The following RINT1 variants were observed in gnomAD, a reference collection of about 807,000 sequenced individuals.
The protein encoded by RINT1 is RAD50 interactor 1.
Under a neutral mutation model 97.7 loss-of-function variants are expected in RINT1, and 75 were observed. The observed-to-expected ratio is 0.77, with a 90% CI of 0.64 to 0.93. The LOEUF is 0.93. Ranked by LOEUF, RINT1 falls within the 40% of genes least tolerant of loss-of-function variation. The pLI is 0.00. For missense variants in RINT1, 892 were observed against 925.2 expected (o/e 0.96, Z 0.47); for synonymous variants, 303 against 326.3 (o/e 0.93, Z 0.77).
intron 3 of RINT1, among the ~76,000 whole-genome samples, chr7:105,539,896 G>A (rs1790388677): frequency 6.6e-6 from 1 of 152,186 alleles, no homozygotes; most frequent in Non-Finnish European, 1.5e-5. Context: ...AAAGTGACCT[G>A]AAGGACGGAT....
Position 105,563,844 on chromosome 7 carries a change from A to C in RINT1, c.1783A>C (p.Met595Leu). 6.2e-7 allele frequency: 1 copy of C among 1,614,200 alleles called. No individual in the cohort carries two copies. Among genetic ancestry groups the C allele is most frequent in the Non-Finnish European group, 8.5e-7 (1 of 1,179,998 alleles). Reference sequence around the variant, plus strand: ...TATGGAGAGCTCTGTCTTTGATGACATGATTAACCTCTTAGAACGTTTAAA... The same window carrying C: ...TATGGAGAGCTCTGTCTTTGATGACCTGATTAACCTCTTAGAACGTTTAAA... Reference protein sequence around the residue: ...ASMESSVFDDMINLLERLKHD... With the variant: ...ASMESSVFDDLINLLERLKHD... The change falls in exon 12 of 15, where the codon ATG becomes CTG. Residue 595 changes from methionine to leucine, a missense_variant. Physicochemically the swap from Met to Leu is conservative, Grantham distance 15 (BLOSUM62 2). Transcript: ENST00000257700.
chr7:105,553,602 G>C (rs1186164957), intron 10 of RINT1, among the ~76,000 whole-genome samples: 2 of 149,654 alleles, frequency 1.3e-5, no homozygotes, highest in African/African-American at 4.9e-5. Flanking sequence ...CTCTACTAGA[G>C]ATGGGGTTTC....
chr7:105,547,422 A>T (rs1294090981), intron 6 of RINT1, 89 bp downstream of exon 6: 3 of 1,299,454 alleles, frequency 2.3e-6, no homozygotes, highest in Non-Finnish European at 3.3e-6. Context: ...CAAAGTGGCC[A>T]AGAAAGCCAA....
intron 2 of RINT1, among the ~76,000 whole-genome samples, chr7:105,534,133 C>A (rs1049984841): frequency 6.6e-6 from 1 of 151,754 alleles, no homozygotes; most frequent in Non-Finnish European, 1.5e-5. Context: ...TGCAGTGGCG[C>A]GATCTCGCCT....
intron 4 of RINT1, among the ~76,000 whole-genome samples, chr7:105,544,750 G>A (rs1461426615): frequency 1.3e-5 from 2 of 152,096 alleles, no homozygotes; most frequent in African/African-American, 4.8e-5. Flanking sequence ...AAACTCTTCA[G>A]ATATCTGAAT....
chr7:105,558,096 C>T (rs759465902), intron 11 of RINT1, among the ~76,000 whole-genome samples: 3 of 151,982 alleles, frequency 2.0e-5, no homozygotes, highest in Non-Finnish European at 2.9e-5. Context: ...GTGTGGATCA[C>T]CTGAGGTCAG....
chr7:105,543,279 A>G (rs1488855258), intron 4 of RINT1, among the ~76,000 whole-genome samples: 1 of 152,166 alleles, frequency 6.6e-6, no homozygotes, highest in Non-Finnish European at 1.5e-5. Context: ...GTTTGGTAAT[A>G]GTTATTCTTA....
At chr7:105,566,924 T>G in intron 14 of RINT1, 195 bp from the exon 15 acceptor site, 1 of 377,242 alleles carries the variant, frequency 2.7e-6, no homozygotes, top group Non-Finnish European at 4.7e-6. Context: ...TACCTTATAG[T>G]AATCTAAAGA....
chr7:105,564,477 C>T (rs1181533987), intron 12 of RINT1, among the ~76,000 whole-genome samples: 1 of 152,062 alleles, frequency 6.6e-6, no homozygotes, highest in Non-Finnish European at 1.5e-5. Flanking sequence ...AATAGCCTAA[C>T]CTGTCTCCCA....
At chr7:105,532,431 T>C (rs1325900251) in intron 1 of RINT1, 74 bp downstream of exon 1, 1 of 1,487,478 alleles carries the variant, frequency 6.7e-7, no homozygotes, top group African/African-American at 1.4e-5. Flanking sequence ...CCGGGGGAGA[T>C]AGTCCCGGTG....
At chr7:105,535,406 T>A (rs1322590590) in intron 2 of RINT1, among the ~76,000 whole-genome samples, 1 of 151,972 alleles carries the variant, frequency 6.6e-6, no homozygotes, top group Non-Finnish European at 1.5e-5. Context: ...ATTTTTGTAT[T>A]TTTAGTAGAG....
chr7:105,535,366 A>G (rs903139198), intron 2 of RINT1, among the ~76,000 whole-genome samples: 1 of 150,306 alleles, frequency 6.7e-6, no homozygotes, highest in Admixed American at 6.7e-5. Context: ...AGTAGCTGGG[A>G]CTATAAGCGT....
At chr7:105,533,470 AG>A (rs1790112255) in intron 2 of RINT1, among the ~76,000 whole-genome samples, 1 of 152,182 alleles carries the variant, frequency 6.6e-6, no homozygotes, top group Non-Finnish European at 1.5e-5. Context: ...TTGCAAATCA[AG>A]GGCTCTTTAG....
chr7:105,542,683 T>C, intron 4 of RINT1, 34 bp downstream of exon 4: 3 of 1,602,932 alleles, frequency 1.9e-6, no homozygotes, highest in Non-Finnish European at 2.6e-6. Context: ...ACAATTACTA[T>C]TTTCCTTTGA....
chr7:105,561,352 A>C (rs1791428007), intron 11 of RINT1, among the ~76,000 whole-genome samples: 1 of 151,952 alleles, frequency 6.6e-6, no homozygotes, highest in East Asian at 2.0e-4. Flanking sequence ...ACATGGTGAT[A>C]CCCCATCTCT....
chr7:105,533,647 T>A (rs1323923954), intron 2 of RINT1, among the ~76,000 whole-genome samples: 1 of 152,182 alleles, frequency 6.6e-6, no homozygotes, highest in Non-Finnish European at 1.5e-5. Context: ...AGATTTGCCC[T>A]TAACATTAGC....
At chr7:105,553,224 A>G (rs1327137919) in intron 10 of RINT1, among the ~76,000 whole-genome samples, 4 of 151,588 alleles carry the variant, frequency 2.6e-5, no homozygotes, top group Non-Finnish European at 5.9e-5. Context: ...CATCATGTCA[A>G]TTGTAAATTC....
Position 105,555,106 on chromosome 7 carries a change from G to T in RINT1, c.1550G>T (p.Arg517Met). Residue 517 changes from arginine to methionine, a missense_variant, in exon 11 of 15, where the codon AGG becomes ATG. By Grantham distance (91) the Arg-to-Met change is moderately conservative. Coordinates refer to ENST00000257700, the MANE Select transcript of RINT1 (RefSeq NM_021930.6). Reference protein sequence around the residue: ...ELQKDLVDDFRIRLTQVMKEE... With the variant: ...ELQKDLVDDFMIRLTQVMKEE... ...CAGAAGGACTTAGTAGATGATTTTA[G>T]GATACGATTAACACAAGTGATGAAA... 6.2e-7 allele frequency: 1 copy of T among 1,614,030 alleles called. No individual in the cohort carries two copies. Among genetic ancestry groups the T allele is most frequent in the Non-Finnish European group, 8.5e-7 (1 of 1,179,990 alleles).
intron 4 of RINT1, among the ~76,000 whole-genome samples, chr7:105,544,412 CATTTATTTT>C (rs1790577166): frequency 6.6e-6 from 1 of 151,198 alleles, no homozygotes. Flanking sequence ...TTTTTTTTAA[CATTTATTTT>C]ATTTATTTTA....
Sources: gnomAD v4.1 joint callset for allele counts (sites outside exome capture counted in the v4.1 genomes callset) on GRCh38, gnomAD v4.1.1 for gene constraint, MANE v1.5 for transcripts, NCBI Gene and HGNC (gene_info 2026-07-23, HGNC 2026-07-21) for gene names.